Variants in USP42 observed in about 807,000 individuals in gnomAD.
USP42 encodes ubiquitin specific peptidase 42, also known as ubiquitin carboxyl-terminal hydrolase 42.
A neutral mutation model predicts 113.0 loss-of-function variants in USP42; 23 were observed. The observed-to-expected ratio is 0.20, with a 90% CI of 0.15 to 0.29. The LOEUF is 0.29. Ranked by LOEUF, USP42 falls within the 10% of genes least tolerant of loss-of-function variation. The pLI is 1.00. For synonymous variants in USP42, 933 were observed against 699.0 expected, an observed-to-expected ratio of 1.33 and a Z score of -5.28; for missense variants, 2,174 against 1,779.8, an observed-to-expected ratio of 1.22 and a Z score of -3.99.
the USP42 span, among the ~76,000 whole-genome samples, chr7:6,088,558 C>CGG: frequency 6.6e-6 from 1 of 151,082 alleles, no homozygotes. Context: ...TGCATGGCCT[C>CGG]CTACTCTTAT....
At chr7:6,135,038 C>T (rs900468688) in intron 3 of USP42, among the ~76,000 whole-genome samples, 5 of 152,170 alleles carry the variant, frequency 3.3e-5, no homozygotes, top group Admixed American at 6.6e-5. Context: ...GATGCACCCA[C>T]CTCAGCTTCC....
intron 1 of USP42, among the ~76,000 whole-genome samples, chr7:6,108,041 G>A (rs896227118): frequency 6.6e-6 from 1 of 151,968 alleles, no homozygotes; most frequent in Admixed American, 6.6e-5. Flanking sequence ...AAAATTAGCC[G>A]GGTGTGGTGG....
chr7:6,111,412 TC>T (rs1779590692), intron 2 of USP42, 38 bp downstream of exon 2: 1 of 1,599,210 alleles, frequency 6.3e-7, no homozygotes, highest in African/African-American at 1.3e-5. Context: ...CGCCAGAAAC[TC>T]CTGTGTAAAT....
intron 3 of USP42, among the ~76,000 whole-genome samples, chr7:6,119,492 C>G (rs1223737528): frequency 1.3e-5 from 2 of 152,070 alleles, no homozygotes; most frequent in African/African-American, 4.8e-5. Flanking sequence ...AAAAGTTGTT[C>G]TGGCTCTTCA....
intron 3 of USP42, 97 bp downstream of exon 3, chr7:6,115,620 A>G (rs1270274513): frequency 2.0e-5 from 28 of 1,399,188 alleles, no homozygotes; most frequent in Non-Finnish European, 2.4e-5. Context: ...CAAGAGTGCT[A>G]TGATTACTAA....
At chr7:6,106,575 G>GT (rs1206681815) in intron 1 of USP42, among the ~76,000 whole-genome samples, 3 of 152,052 alleles carry the variant, frequency 2.0e-5, no homozygotes, top group East Asian at 1.9e-4. Context: ...TGTTCATGTT[G>GT]TTTTTTTGAG....
rs1031783974 is a variant in USP42, at chr7:6,154,386, C to T, written c.2832C>T (p.Ser944=). 10 of 1,576,508 alleles carry T rather than the reference C, an allele frequency of 6.3e-6. No homozygotes were observed. The Admixed American group carries it at 7.3e-5, about 12-fold the overall frequency. Residue 944 remains serine (S), a synonymous_variant, in exon 15 of 18, where the codon AGC becomes AGT. Transcript: ENST00000306177. ...CCCCAGCGAAGGAGAAAATCGGCAG[C>T]CTCAGAAAGGTGGACCGAGGCCACT... ...GPSPAKEKIG[S]LRKVDRGHYR... is the part of the protein sequence containing the mutation.
chr7:6,151,660 C>G (rs953353168), intron 14 of USP42, among the ~76,000 whole-genome samples: 3 of 152,144 alleles, frequency 2.0e-5, no homozygotes, highest in Non-Finnish European at 4.4e-5. Flanking sequence ...TCAGGCTGGT[C>G]TCAAACTCCT....
At chr7:6,090,982 C>A in the USP42 span, among the ~76,000 whole-genome samples, 2 of 150,544 alleles carry the variant, frequency 1.3e-5, no homozygotes, top group African/African-American at 2.5e-5. Flanking sequence ...ATCACAGTTA[C>A]AATCTAATTT....
chr7:6,148,947 G>A (rs1012479193), intron 12 of USP42, among the ~76,000 whole-genome samples: 57 of 152,330 alleles, frequency 3.7e-4, no homozygotes, highest in African/African-American at 1.2e-3. Flanking sequence ...TTTTTACCAT[G>A]AAGCTTTCCA....
intron 3 of USP42, among the ~76,000 whole-genome samples, chr7:6,133,891 C>CTTTT (rs386409441): frequency 6.2e-5 from 8 of 129,022 alleles, no homozygotes; most frequent in African/African-American, 1.5e-4. Context: ...GTTTCTTCTT[C>CTTTT]TTTTTTTTTT....
In USP42 at chr7:6,149,631, A is replaced by T. The variant is rs749259808; in HGVS notation, c.1435A>T (p.Ser479Cys). Reference protein sequence around the residue: ...GTGPLKDTPSSSMSSPNGNSS... With the variant: ...GTGPLKDTPSCSMSSPNGNSS... ...TGGACCATTGAAAGACACGCCAAGCAGTTCCATGTCGAGTCCTAACGGGAA... is the reference window on the plus strand; with the variant it reads ...TGGACCATTGAAAGACACGCCAAGCTGTTCCATGTCGAGTCCTAACGGGAA... Residue 479 changes from serine (S) to cysteine (C), a missense_variant, in exon 13 of 18, where the codon AGT becomes TGT. Ser to Cys is a moderately radical substitution (Grantham distance 112). Transcript: ENST00000306177. 1 of 1,614,012 alleles carries T rather than the reference A, an allele frequency of 6.2e-7. No individual in the cohort carries two copies. Among genetic ancestry groups the T allele is most frequent in the South Asian group, 1.1e-5 (1 of 91,076 alleles).
intron 10 of USP42, 115 bp from the exon 11 acceptor site, chr7:6,146,033 G>C (rs576305846): frequency 1.3e-5 from 11 of 838,786 alleles, no homozygotes; most frequent in Middle Eastern, 6.8e-4. Context: ...CTGCACTCCA[G>C]CCTGGGTGAC....
rs980277592 is a variant in USP42, at chr7:6,159,896, T to C, written c.*36+403T>C. On this transcript the variant is annotated intron_variant, in intron 17 of 17. Coordinates refer to ENST00000306177, the MANE Select transcript of USP42 (RefSeq NM_032172.3). The surrounding 1 kb of genome is among the most constrained non-coding windows in gnomAD (Gnocchi z 4.1). Reference sequence around the variant, plus strand: ...GAGCGGAGCCTTGCTCCCTCGTCCGTCCCGTCCCCTGTGCTGCTGTCTGCG... The same window carrying C: ...GAGCGGAGCCTTGCTCCCTCGTCCGCCCCGTCCCCTGTGCTGCTGTCTGCG... Among the ~76,000 whole-genome samples, 9 of 152,180 alleles carry C rather than the reference T, an allele frequency of 5.9e-5. No homozygotes were observed. The highest frequency in any genetic ancestry group is 2.2e-4 in the African/African-American group (9 of 41,452).
chr7:6,114,427 G>C (rs1244528820), intron 2 of USP42, among the ~76,000 whole-genome samples: 1 of 151,424 alleles, frequency 6.6e-6, no homozygotes, highest in Non-Finnish European at 1.5e-5. Context: ...ATCAACTTAC[G>C]GGCAGTGATA....
In USP42 at chr7:6,149,959, G is replaced by A. The variant is rs753871997; in HGVS notation, c.1763G>A (p.Cys588Tyr). 1 of 1,613,960 alleles carries A rather than the reference G, an allele frequency of 6.2e-7. No homozygotes were observed. Among genetic ancestry groups the A allele is most frequent in the South Asian group, 1.1e-5 (1 of 91,072 alleles). Residue 588 changes from cysteine (C) to tyrosine (Y), a missense_variant, in exon 13 of 18, where the codon TGC becomes TAC. Cys to Tyr is a radical substitution (Grantham distance 194). Transcript: ENST00000306177. Reference protein sequence around the residue: ...VTKPIPRSESCSQPVMNGKSK... With the variant: ...VTKPIPRSESYSQPVMNGKSK... Reference sequence around the variant, plus strand: ...AAACCGATCCCCCGCAGTGAATCCTGCTCCCAGCCCGTGATGAATGGCAAA... The same window carrying A: ...AAACCGATCCCCCGCAGTGAATCCTACTCCCAGCCCGTGATGAATGGCAAA...
chr7:6,136,837 T>C (rs571326930), intron 4 of USP42, among the ~76,000 whole-genome samples: 87 of 151,770 alleles, frequency 5.7e-4, no homozygotes, highest in Non-Finnish European at 1.1e-3. Context: ...TGAGACTGTG[T>C]CTCACTGTTT....
intron 4 of USP42, among the ~76,000 whole-genome samples, chr7:6,138,411 T>A (rs181286342): frequency 6.6e-6 from 1 of 152,234 alleles, no homozygotes; most frequent in South Asian, 2.1e-4. Context: ...TTCTGTATTA[T>A]AGAGATGTAG....
chr7:6,114,656 G>GTGTATATATA (rs1187768774), intron 2 of USP42, among the ~76,000 whole-genome samples: 24 of 60,596 alleles, frequency 4.0e-4, no homozygotes, highest in African/African-American at 1.5e-3. Flanking sequence ...ATGTGTGTGT[G>GTGTATATATA]TATATATATA....
Sources: gnomAD v4.1 joint callset for allele counts (sites outside exome capture counted in the v4.1 genomes callset) on GRCh38, gnomAD v4.1.1 for gene constraint, Gnocchi (gnomAD v3.1) non-coding constraint, MANE v1.5 for transcripts, NCBI Gene and HGNC (gene_info 2026-07-23, HGNC 2026-07-21) for gene names.